C10orf90: variants seen among roughly 807,000 people sequenced by gnomAD.
The protein encoded by C10orf90 is chromosome 10 open reading frame 90, also known as (E2-independent) E3 ubiquitin-conjugating enzyme FATS.
Under a neutral mutation model 62.5 loss-of-function variants are expected in C10orf90, and 56 were observed. That is an observed-to-expected ratio of 0.90 (90% confidence interval 0.72 to 1.12). C10orf90 has a LOEUF of 1.12. Ranked by LOEUF, C10orf90 falls within the 50% of genes most tolerant of loss-of-function variation. The pLI is 0.00. For synonymous variants in C10orf90, 386 were observed against 340.4 expected (o/e 1.13, Z -1.47); for missense variants, 970 against 880.4 (o/e 1.10, Z -1.29).
intron 2 of C10orf90, among the ~76,000 whole-genome samples, chr10:126,631,097 G>A (rs529862466): frequency 1.3e-5 from 2 of 152,280 alleles, no homozygotes; most frequent in Admixed American, 6.5e-5. Flanking sequence ...GATTATCCAG[G>A]TGTTAGGCTT....
chr10:126,608,389 G>A (rs1405893170), intron 2 of C10orf90, among the ~76,000 whole-genome samples: 1 of 152,158 alleles, frequency 6.6e-6, no homozygotes, highest in Non-Finnish European at 1.5e-5. Flanking sequence ...TGGGATTACA[G>A]GCTTGAGCCA....
intron 2 of C10orf90, among the ~76,000 whole-genome samples, chr10:126,585,245 A>G (rs1234046968): frequency 6.6e-6 from 1 of 151,382 alleles, no homozygotes; most frequent in Non-Finnish European, 1.5e-5. Context: ...GGAAAGAAGG[A>G]AGAAAGAGAG....
chr10:126,653,390 C>T (rs931106025), intron 1 of C10orf90, among the ~76,000 whole-genome samples: 8 of 152,232 alleles, frequency 5.3e-5, no homozygotes, highest in Non-Finnish European at 1.0e-4. Flanking sequence ...TGTTTGTTGT[C>T]ATTTCAACAA....
intron 2 of C10orf90, among the ~76,000 whole-genome samples, chr10:126,540,519 C>T (rs79750276): frequency 0.012 from 1,867 of 152,094 alleles, 32 homozygotes; most frequent in African/African-American, 0.042. Context: ...GTTGGTCAAG[C>T]GTGGTGCCAC....
intron 1 of C10orf90, among the ~76,000 whole-genome samples, chr10:126,656,504 C>A (rs1481384191): frequency 2.0e-5 from 3 of 152,158 alleles, no homozygotes; most frequent in Non-Finnish European, 4.4e-5. Flanking sequence ...CTGATCAAGG[C>A]CAAGCCCTTG....
intron 7 of C10orf90, among the ~76,000 whole-genome samples, chr10:126,452,437 T>C (rs1859259852): frequency 6.6e-6 from 1 of 152,220 alleles, no homozygotes; most frequent in Admixed American, 6.5e-5. Flanking sequence ...TAATAAACTT[T>C]ATGCTTGTTG....
chr10:126,497,003 C>T (rs1372509464), intron 4 of C10orf90, among the ~76,000 whole-genome samples: 1 of 152,208 alleles, frequency 6.6e-6, no homozygotes, highest in East Asian at 1.9e-4. Context: ...CTGCTACCTG[C>T]ATAGCAAGGA....
At chr10:126,446,565 C>T (rs1044090894) in intron 7 of C10orf90, among the ~76,000 whole-genome samples, 4 of 152,012 alleles carry the variant, frequency 2.6e-5, no homozygotes, top group African/African-American at 9.7e-5. Flanking sequence ...GAGATAAAGG[C>T]TTTGTCAAAA....
At chr10:126,467,682 C>T (rs534630458) in intron 4 of C10orf90, among the ~76,000 whole-genome samples, 1 of 152,260 alleles carries the variant, frequency 6.6e-6, no homozygotes, top group African/African-American at 2.4e-5. Context: ...TCCCCTTTTC[C>T]CACATTGGTT....
chr10:126,615,185 C>A (rs1845515907), intron 2 of C10orf90, among the ~76,000 whole-genome samples: 1 of 152,192 alleles, frequency 6.6e-6, no homozygotes, highest in Admixed American at 6.5e-5. Flanking sequence ...CCTGTCAAGC[C>A]TCTGCCTGCA....
intron 7 of C10orf90, among the ~76,000 whole-genome samples, chr10:126,444,168 C>T (rs1858585825): frequency 6.6e-6 from 1 of 152,042 alleles, no homozygotes; most frequent in Non-Finnish European, 1.5e-5. Flanking sequence ...GAAGTCCTAG[C>T]CAGAGCAATC....
intron 4 of C10orf90, among the ~76,000 whole-genome samples, chr10:126,498,295 GC>G (rs1240819226): frequency 2.6e-5 from 4 of 152,112 alleles, no homozygotes; most frequent in African/African-American, 9.7e-5. Context: ...TGAACACATA[GC>G]CCCAGAATCT....
intron 3 of C10orf90, among the ~76,000 whole-genome samples, chr10:126,512,988 A>C (rs1863224052): frequency 6.6e-6 from 1 of 152,246 alleles, no homozygotes; most frequent in African/African-American, 2.4e-5. Flanking sequence ...TTTAACAGGT[A>C]TCTTTGCCAC....
intron 7 of C10orf90, among the ~76,000 whole-genome samples, chr10:126,457,913 C>T (rs1386222598): frequency 6.6e-6 from 1 of 152,192 alleles, no homozygotes; most frequent in Non-Finnish European, 1.5e-5. Context: ...CACATTTTCC[C>T]ATGGGGAGCT....
intron 3 of C10orf90, among the ~76,000 whole-genome samples, chr10:126,511,261 T>G (rs962912449): frequency 6.6e-6 from 1 of 152,174 alleles, no homozygotes; most frequent in East Asian, 1.9e-4. Context: ...CATCATGAAA[T>G]TTTGCCTTTC....
At chr10:126,524,870 G>A (rs1591068367) in intron 2 of C10orf90, 9 of 973,232 alleles carry the variant, frequency 9.2e-6, no homozygotes, top group East Asian at 1.1e-4. Context: ...AGTGGAAAAC[G>A]CCATTATTTC....
At chr10:126,638,377 C>A (rs1845995141) in intron 2 of C10orf90, among the ~76,000 whole-genome samples, 2 of 152,140 alleles carry the variant, frequency 1.3e-5, no homozygotes, top group Non-Finnish European at 2.9e-5. Flanking sequence ...GACTCTGTGT[C>A]CTCTTGCTGC....
intron 1 of C10orf90, among the ~76,000 whole-genome samples, chr10:126,661,797 C>G (rs190303800): frequency 6.6e-6 from 1 of 151,660 alleles, no homozygotes; most frequent in East Asian, 1.9e-4. Flanking sequence ...TTTTTCTTAT[C>G]AAGAAGTTCT....
At chr10:126,477,704 A>T (rs1179663798) in intron 4 of C10orf90, among the ~76,000 whole-genome samples, 1 of 152,190 alleles carries the variant, frequency 6.6e-6, no homozygotes, top group Non-Finnish European at 1.5e-5. Context: ...AATGTTTCTA[A>T]AAGTGGTCAT....
Sources: gnomAD v4.1 joint callset for allele counts (sites outside exome capture counted in the v4.1 genomes callset) on GRCh38, gnomAD v4.1.1 for gene constraint, MANE v1.5 for transcripts, NCBI Gene and HGNC (gene_info 2026-07-23, HGNC 2026-07-21) for gene names.